Variants in ANKFN1 observed in about 807,000 individuals in gnomAD.
The protein encoded by ANKFN1 is ankyrin repeat and fibronectin type-III domain-containing protein 1.
Under a neutral mutation model 108.7 loss-of-function variants are expected in ANKFN1, and 74 were observed. The observed-to-expected ratio is 0.68, with a 90% CI of 0.56 to 0.83. ANKFN1 has a LOEUF of 0.83. Ranked by LOEUF, ANKFN1 falls within the 40% of genes least tolerant of loss-of-function variation. ANKFN1 has a pLI of 0.00. For missense variants in ANKFN1, 1,505 were observed against 1,382.3 expected (o/e 1.09, Z -1.41); for synonymous variants, 547 against 516.2 (o/e 1.06, Z -0.81).
At chr17:56,214,082 T>G (rs1445437467) in intron 2 of ANKFN1, among the ~76,000 whole-genome samples, 1 of 152,212 alleles carries the variant, frequency 6.6e-6, no homozygotes, top group Non-Finnish European at 1.5e-5. Flanking sequence ...CATTTTAGTA[T>G]TAACACAAAC....
rs199631965 is a variant in ANKFN1, at chr17:56,463,335, C to T, written c.1558-3021C>T. On this transcript the variant is annotated intron_variant, in intron 14 of 20. Coordinates refer to ENST00000682825, the MANE Select transcript of ANKFN1 (RefSeq NM_001370326.1). ...TAGATTCAAATCCAGATTTATTTAACTCCAAAGCCTGCTTCCTTTCCAGTA... is the reference window on the plus strand; with the variant it reads ...TAGATTCAAATCCAGATTTATTTAATTCCAAAGCCTGCTTCCTTTCCAGTA... 7.9e-5 allele frequency among the ~76,000 whole-genome samples: 12 copies of T among 152,316 alleles called. No homozygotes were observed. The East Asian group carries it at 2.3e-3, about 29-fold the overall frequency.
At chr17:56,309,840 C>G (rs2044958109) in intron 3 of ANKFN1, among the ~76,000 whole-genome samples, 1 of 152,314 alleles carries the variant, frequency 6.6e-6, no homozygotes, top group Middle Eastern at 3.4e-3. Context: ...TGTGTTCTCT[C>G]TCTCTCAAAA....
intron 20 of ANKFN1, among the ~76,000 whole-genome samples, chr17:56,503,378 G>A (rs755660669): frequency 1.3e-5 from 2 of 150,926 alleles, no homozygotes; most frequent in Non-Finnish European, 2.9e-5. Flanking sequence ...AACAAACCCC[G>A]GAGGTTCTAC....
chr17:56,077,938 A>T (rs1905200147), intron 4 of ANKFN1, among the ~76,000 whole-genome samples: 1 of 152,140 alleles, frequency 6.6e-6, no homozygotes, highest in Admixed American at 6.5e-5. Flanking sequence ...CTTAAGAAGA[A>T]GTTTTTGTTA....
At chr17:56,244,673 C>T (rs1483575488) in intron 3 of ANKFN1, among the ~76,000 whole-genome samples, 1 of 152,118 alleles carries the variant, frequency 6.6e-6, no homozygotes, top group East Asian at 1.9e-4. Context: ...ATGAGCATTG[C>T]TGGTTCCAGA....
At chr17:56,270,079 TTTTTGTTTTG>T (rs961224100) in intron 3 of ANKFN1, among the ~76,000 whole-genome samples, 1 of 152,232 alleles carries the variant, frequency 6.6e-6, no homozygotes, top group Non-Finnish European at 1.5e-5. Context: ...TCTTGTTTGT[TTTTTGTTTTG>T]TTTTGTTTTG....
rs2049749513 is a variant in ANKFN1, at chr17:56,457,507, A to G, written c.1440+118A>G. On this transcript the variant is annotated intron_variant, in intron 13 of 20. Transcript: ENST00000682825. The stretch of plus-strand genomic sequence containing the variant: ...CAGAGTTTTGGGGTAGAAATAAAGT[A>G]TCTCCAAGGTCCTTTTCAGCCCTGG... 3 of 1,174,154 alleles carry G rather than the reference A, an allele frequency of 2.6e-6. No homozygotes were observed. In the South Asian group the frequency reaches 4.9e-5, roughly 19 times the overall value. 72.7% of individuals were successfully genotyped at this position (1,174,154 alleles called of 1,614,324 possible).
In ANKFN1 at chr17:56,126,648, G is replaced by A. The variant is rs1460545904; in HGVS notation, c.288+80323G>A. Among the ~76,000 whole-genome samples, 6 of 152,314 alleles carry A rather than the reference G, an allele frequency of 3.9e-5. No individual in the cohort carries two copies. In the East Asian group the frequency reaches 1.2e-3, roughly 29 times the overall value. ...AGGAGACACAAATAACCCTGAATGC[G>A]CTGGCAAAGAGGAGGCTTCACACCT... On this transcript the variant is annotated intron_variant, in intron 4 of 12. Transcript: ENST00000635860.
intron 6 of ANKFN1, among the ~76,000 whole-genome samples, chr17:56,365,454 C>A (rs1303255844): frequency 6.6e-6 from 1 of 152,132 alleles, no homozygotes; most frequent in Non-Finnish European, 1.5e-5. Flanking sequence ...TAATTTGTTA[C>A]AAGTTATAAG....
chr17:56,152,995 A>C (rs1908756953), upstream of ANKFN1, among the ~76,000 whole-genome samples: 1 of 152,174 alleles, frequency 6.6e-6, no homozygotes, highest in South Asian at 2.1e-4. Context: ...AAAATAATCC[A>C]TTCCAAAGCT....
chr17:56,110,727 C>G (rs1161666602), intron 4 of ANKFN1, among the ~76,000 whole-genome samples: 1 of 152,196 alleles, frequency 6.6e-6, no homozygotes, highest in Non-Finnish European at 1.5e-5. Context: ...TTAAACCATG[C>G]TGCAGGTAAC....
intron 11 of ANKFN1, among the ~76,000 whole-genome samples, chr17:56,456,295 G>A (rs2049691445): frequency 1.3e-5 from 2 of 151,862 alleles, no homozygotes. Context: ...GAACACCTAC[G>A]TGGTCTCCTC....
intron 4 of ANKFN1, among the ~76,000 whole-genome samples, chr17:56,121,221 G>A (rs1906600397): frequency 6.6e-6 from 1 of 151,414 alleles, no homozygotes; most frequent in South Asian, 2.1e-4. Flanking sequence ...TTTTTTTCTT[G>A]GTGTCGCCCA....
intron 8 of ANKFN1, among the ~76,000 whole-genome samples, chr17:56,429,343 C>A (rs1178623185): frequency 6.6e-6 from 1 of 152,158 alleles, no homozygotes; most frequent in African/African-American, 2.4e-5. Context: ...GATCATGATG[C>A]CTTGTAGGCC....
chr17:56,216,559 T>C (rs1179167150), intron 2 of ANKFN1, among the ~76,000 whole-genome samples: 3 of 152,238 alleles, frequency 2.0e-5, no homozygotes, highest in East Asian at 1.9e-4. Flanking sequence ...GGTTATTACA[T>C]TGAAGTGGCT....
chr17:56,411,506 T>A lies in ANKFN1; in HGVS notation c.911-28821T>A, dbSNP rs2144994911. 3.3e-5 allele frequency among the ~76,000 whole-genome samples: 5 copies of A among 152,326 alleles called. 1 individual carries two copies. Among genetic ancestry groups the A allele is most frequent in the Admixed American group, 3.3e-4 (5 of 15,300 alleles). ...CTTTTTCTTGCCTAATTTCTGTGGC[T>A]AGGACTTCTAGTAATATGTTGAATA... On this transcript the variant is annotated intron_variant, in intron 8 of 20. Coordinates refer to ENST00000682825, the MANE Select transcript of ANKFN1 (RefSeq NM_001370326.1).
chr17:56,081,188 C>A (rs531214854), intron 4 of ANKFN1, among the ~76,000 whole-genome samples: 543 of 152,140 alleles, frequency 3.6e-3, no homozygotes, highest in Non-Finnish European at 6.2e-3. Context: ...AAGAAGAGAC[C>A]AAGGCAAGTT....
intron 4 of ANKFN1, among the ~76,000 whole-genome samples, chr17:56,125,130 C>T (rs1906847613): frequency 6.6e-6 from 1 of 152,228 alleles, no homozygotes; most frequent in African/African-American, 2.4e-5. Context: ...CTCTATACCC[C>T]TCTGCCCAAC....
intron 8 of ANKFN1, among the ~76,000 whole-genome samples, chr17:56,414,725 A>C (rs1227458673): frequency 6.6e-6 from 1 of 152,226 alleles, no homozygotes; most frequent in Non-Finnish European, 1.5e-5. Flanking sequence ...TTTCATGATA[A>C]AAACCCTCAA....
Sources: allele counts gnomAD v4.1 joint callset (sites outside exome capture counted in the v4.1 genomes callset), GRCh38; gene constraint gnomAD v4.1.1; transcripts MANE v1.5; gene names NCBI Gene and HGNC (gene_info 2026-07-23, HGNC 2026-07-21).